The following LHFPL6 variants were observed in gnomAD, a reference collection of about 807,000 sequenced individuals.
LHFPL6 encodes LHFPL tetraspan subfamily member 6 protein.
Under a neutral mutation model 20.6 loss-of-function variants are expected in LHFPL6, and 9 were observed. The ratio of observed to expected loss-of-function variants is 0.44; its 90% CI spans 0.26 to 0.76. LHFPL6 has a LOEUF of 0.76. Among genes scored for constraint, LHFPL6 ranks in the 30% least tolerant of loss-of-function variants. LHFPL6 has a pLI of 0.20. For missense variants in LHFPL6, 218 were observed against 253.5 expected (o/e 0.86, Z 0.95); for synonymous variants, 105 against 98.7 (o/e 1.06, Z -0.38).
At chr13:39,562,603 TATAC>T (rs1466365351) in intron 2 of LHFPL6, among the ~76,000 whole-genome samples, 1 of 58,138 alleles carries the variant, frequency 1.7e-5, no homozygotes, top group African/African-American at 4.6e-5. Flanking sequence ...TATATACACA[TATAC>T]ATATATACAC....
At position 39,436,136 on chromosome 13, in the gene LHFPL6, T is replaced by C. The variant is rs145491185; in HGVS notation, c.386-57610A>G. Among the ~76,000 whole-genome samples, 9 of 152,150 alleles carry C rather than the reference T, an allele frequency of 5.9e-5. No homozygotes were observed. In the East Asian group the frequency reaches 1.7e-3, roughly 29 times the overall value. ...GAGTCCTCAACAATTGTTAAGCATG[T>C]AAAGAAAGGGGTCCTGAGGCCAAAT... On this transcript the variant is annotated intron_variant, in intron 2 of 3. Transcript: ENST00000379589.
chr13:39,439,727 T>C (rs1566111857), intron 2 of LHFPL6, among the ~76,000 whole-genome samples: 1 of 151,972 alleles, frequency 6.6e-6, no homozygotes, highest in South Asian at 2.1e-4. Flanking sequence ...TGAGATCTGG[T>C]TTTTTAAAAG....
At chr13:39,598,293 T>TA (rs899812146) in intron 2 of LHFPL6, among the ~76,000 whole-genome samples, 4 of 151,988 alleles carry the variant, frequency 2.6e-5, no homozygotes, top group African/African-American at 9.6e-5. Flanking sequence ...GAAACTTTTT[T>TA]TTTTTTGGTC....
chr13:39,362,899 G>A (rs1472092412), intron 3 of LHFPL6, among the ~76,000 whole-genome samples: 2 of 152,222 alleles, frequency 1.3e-5, no homozygotes, highest in East Asian at 3.9e-4. Context: ...GTCCAGTGGG[G>A]AAGGAACAGA....
chr13:39,556,365 G>A lies in LHFPL6; in HGVS notation c.385+44467C>T, dbSNP rs151013352. Among the ~76,000 whole-genome samples, 26 of 152,254 alleles carry A rather than the reference G, an allele frequency of 1.7e-4. No homozygotes were observed. In the East Asian group the frequency reaches 4.8e-3, roughly 28 times the overall value. ...CTTCTTAGAGACTGGTTAAATGGTT[G>A]TGACCAAAACGCTGATAGAAATATG... On this transcript the variant is annotated intron_variant, in intron 2 of 3. Coordinates refer to ENST00000379589, the MANE Select transcript of LHFPL6 (RefSeq NM_005780.3).
intron 2 of LHFPL6, among the ~76,000 whole-genome samples, chr13:39,597,751 T>C (rs1193383877): frequency 2.6e-5 from 4 of 152,314 alleles, no homozygotes; most frequent in Admixed American, 2.0e-4. Flanking sequence ...CTACTATAGG[T>C]AGAAAATATC....
chr13:39,524,470 T>C (rs1035443231), intron 2 of LHFPL6, among the ~76,000 whole-genome samples: 2 of 152,162 alleles, frequency 1.3e-5, no homozygotes, highest in African/African-American at 4.8e-5. Flanking sequence ...CTAGATCTAT[T>C]TGAAGCTGGT....
At chr13:39,598,752 T>C (rs1190539478) in intron 2 of LHFPL6, among the ~76,000 whole-genome samples, 1 of 151,916 alleles carries the variant, frequency 6.6e-6, no homozygotes, top group African/African-American at 2.4e-5. Flanking sequence ...GGAGACCGGG[T>C]TTCACCGTGT....
intron 2 of LHFPL6, among the ~76,000 whole-genome samples, chr13:39,456,795 G>T (rs1195476957): frequency 2.0e-5 from 3 of 151,350 alleles, no homozygotes; most frequent in Non-Finnish European, 2.9e-5. Flanking sequence ...ATTAGACAAA[G>T]ATTTCTTTTT....
chr13:39,511,162 C>T lies in LHFPL6; in HGVS notation c.385+89670G>A, dbSNP rs111679716. Among the ~76,000 whole-genome samples, 713 of 152,064 alleles carry T rather than the reference C, an allele frequency of 4.7e-3. 2 individuals are homozygous for T. The highest frequency in any genetic ancestry group is 0.015 in the African/African-American group (640 of 41,452). ...TGCTGAGATTACAGGCGTGAGCCAC[C>T]GCACCTAGCCAAAATATTTTCTTAC... On this transcript the variant is annotated intron_variant, in intron 2 of 3. Coordinates refer to ENST00000379589, the MANE Select transcript of LHFPL6 (RefSeq NM_005780.3).
intron 2 of LHFPL6, among the ~76,000 whole-genome samples, chr13:39,472,139 T>C (rs893618384): frequency 6.6e-6 from 1 of 152,206 alleles, no homozygotes; most frequent in Admixed American, 6.5e-5. Context: ...TCCCTGGTCC[T>C]AGACGTAGTA....
At chr13:39,348,340 C>T (rs1004950270) in intron 3 of LHFPL6, among the ~76,000 whole-genome samples, 1 of 152,178 alleles carries the variant, frequency 6.6e-6, no homozygotes, top group Non-Finnish European at 1.5e-5. Flanking sequence ...TACTCTGTCC[C>T]AGCTCTCTGA....
chr13:39,591,954 G>C (rs1872607296), intron 2 of LHFPL6, among the ~76,000 whole-genome samples: 1 of 152,068 alleles, frequency 6.6e-6, no homozygotes, highest in African/African-American at 2.4e-5. Context: ...AAATTAGCCA[G>C]GCATGATGGC....
intron 2 of LHFPL6, among the ~76,000 whole-genome samples, chr13:39,517,419 A>G (rs970265549): frequency 8.5e-5 from 13 of 152,334 alleles, no homozygotes; most frequent in Admixed American, 2.6e-4. Context: ...ACAAATAGGT[A>G]CAGGATCCTT....
chr13:39,432,113 T>C (rs181807060), intron 2 of LHFPL6, among the ~76,000 whole-genome samples: 18 of 152,322 alleles, frequency 1.2e-4, no homozygotes, highest in Admixed American at 8.5e-4. Context: ...GACATCTAGA[T>C]GAATGAGTCT....
intron 2 of LHFPL6, among the ~76,000 whole-genome samples, chr13:39,455,046 T>C (rs1343831609): frequency 6.6e-6 from 1 of 152,174 alleles, no homozygotes; most frequent in Non-Finnish European, 1.5e-5. Context: ...AGAAGCTGTC[T>C]TTCAATCAGA....
chr13:39,474,807 T>C (rs1188265298), intron 2 of LHFPL6, among the ~76,000 whole-genome samples: 2 of 151,758 alleles, frequency 1.3e-5, no homozygotes, highest in Admixed American at 6.6e-5. Context: ...CAGCGATGCA[T>C]CTCACACAAC....
intron 2 of LHFPL6, among the ~76,000 whole-genome samples, chr13:39,479,660 C>A (rs528030738): frequency 6.6e-6 from 1 of 152,270 alleles, no homozygotes; most frequent in East Asian, 1.9e-4. Context: ...GGTTGCCAGA[C>A]ATTGTGCTAA....
chr13:39,384,821 C>G (rs1870521503), intron 2 of LHFPL6, among the ~76,000 whole-genome samples: 2 of 152,084 alleles, frequency 1.3e-5, no homozygotes, highest in African/African-American at 2.4e-5. Flanking sequence ...TAATTTCAAC[C>G]AAATTCCTTT....
Sources: gnomAD v4.1 joint callset for allele counts (sites outside exome capture counted in the v4.1 genomes callset) on GRCh38, gnomAD v4.1.1 for gene constraint, MANE v1.5 for transcripts, NCBI Gene and HGNC (gene_info 2026-07-23, HGNC 2026-07-21) for gene names.